The following CAMSAP2 variants were observed in gnomAD, a reference collection of about 807,000 sequenced individuals.
CAMSAP2 encodes the protein calmodulin-regulated spectrin-associated protein 2.
A neutral mutation model predicts 146.1 loss-of-function variants in CAMSAP2; 26 were observed. The observed-to-expected ratio is 0.18, with a 90% CI of 0.13 to 0.25. The LOEUF (loss-of-function observed/expected upper bound fraction) is 0.25. Among genes scored for constraint, CAMSAP2 ranks in the 10% least tolerant of loss-of-function variants. The pLI is 1.00. For synonymous variants in CAMSAP2, 499 were observed against 596.6 expected (o/e 0.84, Z 2.38); for missense variants, 1,381 against 1,759.3 (o/e 0.78, Z 3.85).
chr1:200,832,845 G>T lies in CAMSAP2; in HGVS notation c.927G>T (p.Lys309Asn). 4 of 1,549,224 alleles carry T rather than the reference G, an allele frequency of 2.6e-6. No individual in the cohort carries two copies. Among genetic ancestry groups the T allele is most frequent in the East Asian group, 2.3e-5 (1 of 42,692 alleles). Residue 309 changes from lysine to asparagine, a missense_variant and splice_region_variant, in exon 6 of 17, where the codon AAG (lysine) becomes AAT (asparagine). Transcript: ENST00000358823. The surrounding 1 kb of genome is among the most constrained non-coding windows in gnomAD (Gnocchi z 4.2). The part of the protein sequence containing the change: ...EDMLYAASSI[K>N]SNYLVFMAEL... Reference sequence around the variant, plus strand: ...TGCTCTATGCTGCTTCATCCATAAAGGTAAATTAAATTATTCTTTTTTTCC... The same window carrying T: ...TGCTCTATGCTGCTTCATCCATAAATGTAAATTAAATTATTCTTTTTTTCC...
intron 2 of CAMSAP2, among the ~76,000 whole-genome samples, chr1:200,764,611 G>A (rs1372582216): frequency 1.3e-5 from 2 of 152,080 alleles, no homozygotes; most frequent in Non-Finnish European, 2.9e-5. Flanking sequence ...AACATGCCTT[G>A]TATGCATACT....
chr1:200,774,884 A>G (rs1374217435), intron 2 of CAMSAP2, among the ~76,000 whole-genome samples: 1 of 152,202 alleles, frequency 6.6e-6, no homozygotes, highest in African/African-American at 2.4e-5. Flanking sequence ...TTACCATATA[A>G]TATGTGTGAT....
intron 8 of CAMSAP2, 118 bp downstream of exon 8, chr1:200,844,987 A>G: frequency 1.9e-6 from 1 of 516,534 alleles, no homozygotes; most frequent in South Asian, 3.4e-5. Flanking sequence ...TTGAACTGTT[A>G]TAATTAGCTT....
chr1:200,834,284 A>C (rs1296352288), intron 6 of CAMSAP2, among the ~76,000 whole-genome samples: 2 of 151,788 alleles, frequency 1.3e-5, no homozygotes, highest in African/African-American at 4.8e-5. Context: ...AATCACTTGA[A>C]CCTGGGAGGC....
chr1:200,804,244 G>C (rs1571773125), intron 2 of CAMSAP2, among the ~76,000 whole-genome samples: 1 of 151,718 alleles, frequency 6.6e-6, no homozygotes, highest in Non-Finnish European at 1.5e-5. Context: ...TGTTTTTCTT[G>C]TTTCTTGTCT....
At chr1:200,783,008 C>T (rs1350944440) in intron 2 of CAMSAP2, among the ~76,000 whole-genome samples, 6 of 151,838 alleles carry the variant, frequency 4.0e-5, no homozygotes, top group African/African-American at 7.2e-5. Flanking sequence ...TCAAGCAATT[C>T]GCCTGCCTCG....
chr1:200,851,951 C>G (rs993690727), intron 11 of CAMSAP2, among the ~76,000 whole-genome samples: 3 of 152,154 alleles, frequency 2.0e-5, no homozygotes, highest in Non-Finnish European at 4.4e-5. Context: ...CCCAGGAGGC[C>G]TATAGATAAT....
rs954998316 is a variant in CAMSAP2 at position 200,738,976 on chromosome 1, C to T, written c.-852C>T. On this transcript the variant is annotated 5_prime_UTR_variant, in exon 1 of 17. Transcript: ENST00000358823. ...CGGCGGCTGAGGGGGAACGATCCAG[C>T]GAGCTGCAGAAAGGGGGGCAGGAAA... 2.7e-5 allele frequency among the ~76,000 whole-genome samples: 4 copies of T among 149,892 alleles called. No homozygotes were observed. In the East Asian group the frequency reaches 7.9e-4, roughly 30 times the overall value.
chr1:200,804,974 A>T (rs780134704), intron 2 of CAMSAP2, among the ~76,000 whole-genome samples: 4 of 152,226 alleles, frequency 2.6e-5, no homozygotes, highest in Non-Finnish European at 4.4e-5. Context: ...TAATTGTCTA[A>T]ACTTCAGTTT....
chr1:200,755,331 C>G (rs1664618105), intron 1 of CAMSAP2, among the ~76,000 whole-genome samples: 2 of 152,200 alleles, frequency 1.3e-5, no homozygotes, highest in Non-Finnish European at 2.9e-5. Context: ...TCTGAAGCAT[C>G]ATGTATTTAT....
chr1:200,781,515 T>C (rs1020419622), intron 2 of CAMSAP2, among the ~76,000 whole-genome samples: 3 of 150,488 alleles, frequency 2.0e-5, no homozygotes, highest in Non-Finnish European at 4.5e-5. Context: ...ATAAAGCCTA[T>C]GTTGTATACT....
In CAMSAP2 at chr1:200,860,218, G is replaced by A. The variant is rs1245823258; in HGVS notation, c.*2159G>A. 3.3e-5 allele frequency: 5 copies of A among 152,532 alleles called. No individual in the cohort carries two copies. The highest frequency in any genetic ancestry group is 5.9e-5 in the Non-Finnish European group (4 of 67,968). The allele number at this position is 152,532 out of a possible 1,614,324, so 9.4% of individuals were successfully genotyped here. On this transcript the variant is annotated 3_prime_UTR_variant, in exon 17 of 17. Coordinates refer to ENST00000358823, the MANE Select transcript of CAMSAP2 (RefSeq NM_203459.4). ...TAAGTCTGCAGATTTTTTTATTATG[G>A]TGCAGCTTTTTTTTAATTATGTTTT...
chr1:200,820,938 A>G (rs1468680940), intron 4 of CAMSAP2, among the ~76,000 whole-genome samples: 6 of 152,162 alleles, frequency 3.9e-5, no homozygotes, highest in Admixed American at 2.0e-4. Context: ...TTTTGTACTT[A>G]AGTTGTCTAT....
At chr1:200,847,409 G>A in intron 9 of CAMSAP2, 117 bp downstream of exon 9, 1 of 740,888 alleles carries the variant, frequency 1.3e-6, no homozygotes. Flanking sequence ...GTGTGTGTGT[G>A]TTTTTTTGTT....
intron 6 of CAMSAP2, among the ~76,000 whole-genome samples, chr1:200,841,041 TA>T (rs1280908730): frequency 6.6e-6 from 1 of 152,196 alleles, no homozygotes; most frequent in African/African-American, 2.4e-5. Context: ...TTAAGCCATT[TA>T]AAAAATTATT....
At chr1:200,847,586 A>G (rs1037305339) in intron 9 of CAMSAP2, 54 bp from the exon 10 acceptor site, 17 of 1,387,630 alleles carry the variant, frequency 1.2e-5, no homozygotes, top group African/African-American at 7.2e-5. Context: ...CTAAGTTGCT[A>G]TAAGTTAATT....
chr1:200,810,575 C>CAAA (rs955804895), intron 3 of CAMSAP2, among the ~76,000 whole-genome samples: 2 of 95,872 alleles, frequency 2.1e-5, no homozygotes, highest in African/African-American at 4.0e-5. Flanking sequence ...GACTCCATCT[C>CAAA]AAAAAAAAAA....
intron 1 of CAMSAP2, among the ~76,000 whole-genome samples, chr1:200,747,912 G>A (rs1664382999): frequency 6.6e-6 from 1 of 151,252 alleles, no homozygotes; most frequent in African/African-American, 2.4e-5. Flanking sequence ...GCGTGAACCC[G>A]GGAGGCGGAG....
At chr1:200,801,476 C>T (rs1183612396) in intron 2 of CAMSAP2, among the ~76,000 whole-genome samples, 1 of 151,988 alleles carries the variant, frequency 6.6e-6, no homozygotes, top group Non-Finnish European at 1.5e-5. Context: ...TGAATATTGG[C>T]CTGTCTTCCT....
Sources: allele counts gnomAD v4.1 joint callset (sites outside exome capture counted in the v4.1 genomes callset), GRCh38; gene constraint gnomAD v4.1.1; non-coding constraint Gnocchi (gnomAD v3.1); transcripts MANE v1.5; gene names NCBI Gene and HGNC (gene_info 2026-07-23, HGNC 2026-07-21).